The following PPP1R12A variants were observed in gnomAD, a reference collection of about 807,000 sequenced individuals.
PPP1R12A encodes myosin binding subunit.
In PPP1R12A, 19 loss-of-function variants were observed where a neutral mutation model predicts 139.6. That is an observed-to-expected ratio of 0.14 (90% CI 0.09 to 0.20). PPP1R12A has a LOEUF of 0.20. Among genes scored for constraint, PPP1R12A ranks in the 10% least tolerant of loss-of-function variants. The pLI is 1.00. For missense variants in PPP1R12A, 925 were observed against 1,211.5 expected (o/e 0.76, Z 3.51); for synonymous variants, 427 against 420.6 (o/e 1.02, Z -0.19).
At chr12:79,917,576 T>C (rs1261813825) in intron 1 of PPP1R12A, among the ~76,000 whole-genome samples, 2 of 151,782 alleles carry the variant, frequency 1.3e-5, no homozygotes, top group Non-Finnish European at 2.9e-5. Flanking sequence ...TTACTCAAAG[T>C]CAAAATAACC....
chr12:79,916,633 T>C (rs570208377), intron 1 of PPP1R12A, among the ~76,000 whole-genome samples: 3 of 152,164 alleles, frequency 2.0e-5, no homozygotes, highest in Non-Finnish European at 4.4e-5. Context: ...ACAAAATACA[T>C]CTAACCATAT....
chr12:79,885,985 C>T (rs1884069052), intron 1 of PPP1R12A, among the ~76,000 whole-genome samples: 1 of 152,058 alleles, frequency 6.6e-6, no homozygotes, highest in South Asian at 2.1e-4. Context: ...TGTGAGCCAC[C>T]ACATTCAGCC....
At chr12:79,832,308 A>T (rs1249984884) in intron 4 of PPP1R12A, 24 bp downstream of exon 4, 3 of 1,570,166 alleles carry the variant, frequency 1.9e-6, no homozygotes, top group Non-Finnish European at 2.6e-6. Context: ...AAAATAGAAA[A>T]ACTCTGTAAA....
At chr12:79,878,698 G>C (rs569966243) in intron 1 of PPP1R12A, among the ~76,000 whole-genome samples, 15 of 152,104 alleles carry the variant, frequency 9.9e-5, no homozygotes, top group African/African-American at 3.6e-4. Context: ...GAGAAGCGCC[G>C]AGCAAAACAG....
At chr12:79,848,448 T>C (rs1190150879) in intron 2 of PPP1R12A, among the ~76,000 whole-genome samples, 3 of 152,002 alleles carry the variant, frequency 2.0e-5, no homozygotes, top group African/African-American at 7.2e-5. Context: ...AAAAGGAATA[T>C]CTCAGACTAG....
intron 14 of PPP1R12A, among the ~76,000 whole-genome samples, chr12:79,801,262 T>C (rs1873112377): frequency 7.1e-6 from 1 of 141,742 alleles, no homozygotes; most frequent in African/African-American, 2.7e-5. Context: ...GGAGAACTGC[T>C]TGAACCTGGG....
chr12:79,777,409 G>A, intron 24 of PPP1R12A: 1 of 984,648 alleles, frequency 1.0e-6, no homozygotes, highest in Non-Finnish European at 1.2e-6. Context: ...TATATGATAT[G>A]CTCCAGACAC....
chr12:79,924,795 T>C (rs1381416896), intron 1 of PPP1R12A, among the ~76,000 whole-genome samples: 1 of 152,188 alleles, frequency 6.6e-6, no homozygotes, highest in African/African-American at 2.4e-5. Flanking sequence ...ACTATAACAT[T>C]GACTTGTTTC....
rs1874322307 is a variant in PPP1R12A at position 79,809,984 on chromosome 12, A to G, written c.1266T>C (p.Ser422=). ...CATCTTTTCTCTCTTCTTCTTTGGGAGAAATTTTTGTAGCTGTGGTTGGAA... is the reference window on the plus strand; with the variant it reads ...CATCTTTTCTCTCTTCTTCTTTGGGGGAAATTTTTGTAGCTGTGGTTGGAA... ...KKFPTTATKI[S]PKEEERKDES... The change falls in exon 10 of 25, where the codon TCT becomes TCC. Residue 422 remains serine, a synonymous_variant. Coordinates refer to ENST00000450142, the MANE Select transcript of PPP1R12A (RefSeq NM_002480.3). The G allele has an allele frequency of 6.2e-7, 1 of 1,612,438 alleles. No homozygotes were observed. The highest frequency in any genetic ancestry group is 1.3e-5 in the African/African-American group (1 of 74,852).
chr12:79,793,401 T>A (rs560427989), intron 19 of PPP1R12A, among the ~76,000 whole-genome samples: 10 of 152,308 alleles, frequency 6.6e-5, no homozygotes, highest in African/African-American at 2.4e-4. Context: ...AAGATGCCTA[T>A]ATTCTCCAGA....
chr12:79,918,855 C>T (rs183273357), intron 1 of PPP1R12A, among the ~76,000 whole-genome samples: 31 of 152,346 alleles, frequency 2.0e-4, no homozygotes, highest in Admixed American at 2.6e-4. Context: ...GTGGCTCACG[C>T]CTGTAATCCC....
intron 1 of PPP1R12A, among the ~76,000 whole-genome samples, chr12:79,903,005 A>C (rs1419625190): frequency 6.6e-6 from 1 of 152,176 alleles, no homozygotes; most frequent in African/African-American, 2.4e-5. Flanking sequence ...TACGTGTAAG[A>C]AAATGACTGC....
At chr12:79,906,072 T>C (rs1320623017) in intron 1 of PPP1R12A, among the ~76,000 whole-genome samples, 1 of 152,152 alleles carries the variant, frequency 6.6e-6, no homozygotes, top group African/African-American at 2.4e-5. Context: ...CATCAAAATA[T>C]TCATCAAAAT....
At chr12:79,918,975 G>A (rs909844924) in intron 1 of PPP1R12A, among the ~76,000 whole-genome samples, 3 of 152,000 alleles carry the variant, frequency 2.0e-5, no homozygotes, top group African/African-American at 7.3e-5. Context: ...AATTAGCTAG[G>A]CGTGGTGGCA....
chr12:79,867,464 A>C (rs1427832709), intron 2 of PPP1R12A, among the ~76,000 whole-genome samples: 1 of 152,140 alleles, frequency 6.6e-6, no homozygotes, highest in East Asian at 1.9e-4. Context: ...ACTTAAAAGT[A>C]TAATACAAAT....
chr12:79,795,450 G>C (rs1335714594), intron 18 of PPP1R12A, among the ~76,000 whole-genome samples, 188 bp downstream of exon 18: 1 of 152,030 alleles, frequency 6.6e-6, no homozygotes, highest in African/African-American at 2.4e-5. Flanking sequence ...CTTTTAAGTA[G>C]TACCAACAAT....
chr12:79,910,548 T>TA (rs5799446), intron 1 of PPP1R12A, among the ~76,000 whole-genome samples: 112,423 of 149,996 alleles, frequency 0.75, 42,338 homozygotes, highest in African/African-American at 0.82. Context: ...ACTTTATTCT[T>TA]AAAAAAAAAA....
chr12:79,783,295 C>CAAAAA lies in PPP1R12A; in HGVS notation c.2908-1438_2908-1434dup, dbSNP rs5799441. ...CAACACGGTGAAACCCCGTCTCTAC[C>CAAAAA]AAAAAAAAAAAAAAAAAAGGAAAAT... On this transcript the variant is annotated intron_variant, in intron 22 of 24. Transcript: ENST00000450142. Among the ~76,000 whole-genome samples the CAAAAA allele has an allele frequency of 8.4e-4, 98 of 117,062 alleles. 1 individual carries two copies. Among genetic ancestry groups the CAAAAA allele is most frequent in the African/African-American group, 2.7e-3 (78 of 29,374 alleles). The allele number at this position is 117,062 out of a possible 152,430, so 76.8% of individuals were successfully genotyped here.
intron 23 of PPP1R12A, chr12:79,780,251 A>G (rs1870267775): frequency 6.6e-6 from 1 of 152,060 alleles, no homozygotes; most frequent in Non-Finnish European, 1.5e-5. Context: ...AGGAAAAAAA[A>G]TATGGTTTAG....
Sources: gnomAD v4.1 joint callset for allele counts (sites outside exome capture counted in the v4.1 genomes callset) on GRCh38, gnomAD v4.1.1 for gene constraint, MANE v1.5 for transcripts, NCBI Gene and HGNC (gene_info 2026-07-23, HGNC 2026-07-21) for gene names.